Variants in ANO8 observed in about 807,000 individuals in gnomAD.
The protein encoded by ANO8 is anoctamin-8.
A neutral mutation model predicts 120.4 loss-of-function variants in ANO8; 67 were observed. The ratio of observed to expected loss-of-function variants is 0.56; its 90% CI spans 0.46 to 0.68. The LOEUF is 0.68. ANO8 is among the 30% of genes least tolerant of loss of function. ANO8 has a pLI of 0.00. For missense variants in ANO8, 1,526 were observed against 1,737.6 expected (o/e 0.88, Z 2.16); for synonymous variants, 727 against 759.2 (o/e 0.96, Z 0.70).
At chr19:17,328,086 A>G in intron 13 of ANO8, 76 bp downstream of exon 13, 1 of 1,418,714 alleles carries the variant, frequency 7.0e-7, no homozygotes, top group East Asian at 2.5e-5. Context: ...TCCCACCCCC[A>G]CGGCCTTCAC....
rs2074280432 is a variant in ANO8 at position 17,327,472 on chromosome 19, G to A, written c.2516C>T (p.Pro839Leu). ...TACCACCGACACGATGGCTGCCTCC[G>A]GGCTCAGCCAGGGGAAGAGGCGCTG... ...QLQRLFPWLS[P>L]EAAIVSVVVL... Residue 839 changes from proline (P) to leucine (L), a missense_variant, in exon 15 of 18, where the codon CCG becomes CTG. By Grantham distance (98) the Pro-to-Leu change is moderately conservative (BLOSUM62 -3). Coordinates refer to ENST00000159087, the MANE Select transcript of ANO8 (RefSeq NM_020959.3). The A allele has an allele frequency of 6.2e-7, 1 of 1,612,918 alleles. No individual in the cohort carries two copies. Among genetic ancestry groups the A allele is most frequent in the Non-Finnish European group, 8.5e-7 (1 of 1,179,726 alleles).
At chr19:17,327,141 C>A in intron 16 of ANO8, 94 bp downstream of exon 16, 1 of 1,073,778 alleles carries the variant, frequency 9.3e-7, no homozygotes, top group South Asian at 1.6e-5. Context: ...GCAGTCTCTG[C>A]ATTTGCCCTT....
intron 12 of ANO8, chr19:17,329,461 G>T (rs904343549): frequency 3.4e-5 from 16 of 476,104 alleles, no homozygotes; most frequent in Non-Finnish European, 5.7e-5. Flanking sequence ...GGAGCAGGCG[G>T]AACCGCAGGG....
In ANO8 at chr19:17,324,914, G is replaced by A. The variant is rs767774546; in HGVS notation, c.3134C>T (p.Pro1045Leu). Reference protein sequence around the residue: ...TRRDSERSHSPPKAFHAGKLF... With the variant: ...TRRDSERSHSLPKAFHAGKLF... ...CTTGCCAGCATGGAAGGCTTTGGGC[G>A]GTGAGTGGCTGCGCTCAGAGTCCCG... The change falls in exon 17 of 18, where the codon CCG becomes CTG. Residue 1045 changes from proline (P) to leucine (L), a missense_variant. By Grantham distance (98) the Pro-to-Leu change is moderately conservative. Transcript: ENST00000159087. 6.8e-6 allele frequency: 11 copies of A among 1,613,464 alleles called. No individual in the cohort carries two copies. Among genetic ancestry groups the A allele is most frequent in the Middle Eastern group, 1.6e-4 (1 of 6,062 alleles).
Position 17,330,114 on chromosome 19 carries a change from G to T in ANO8, c.1273+11C>A, listed in dbSNP as rs780485185. 5 of 1,614,002 alleles carry T rather than the reference G, an allele frequency of 3.1e-6. No individual in the cohort carries two copies. Among genetic ancestry groups the T allele is most frequent in the Non-Finnish European group, 4.2e-6 (5 of 1,179,998 alleles). On this transcript the variant is annotated intron_variant, in intron 10 of 17. Coordinates refer to ENST00000159087, the MANE Select transcript of ANO8 (RefSeq NM_020959.3). ...AGACCTTCCTCCCAGAGACCCCCTGGCAGGTCGTACCCATGTCATTGAGCC... is the reference window on the plus strand; with the variant it reads ...AGACCTTCCTCCCAGAGACCCCCTGTCAGGTCGTACCCATGTCATTGAGCC...
chr19:17,325,409 A>T (rs770887750), intron 16 of ANO8, 23 bp from the exon 17 acceptor site: 160 of 1,559,398 alleles, frequency 1.0e-4, no homozygotes, highest in Non-Finnish European at 1.4e-4. Flanking sequence ...CCAAGCCGTT[A>T]CAGGACTAAG....
Position 17,328,483 on chromosome 19 carries a change from G to A in ANO8, c.1905C>T (p.Ala635=), listed in dbSNP as rs764596282. 4 of 1,563,910 alleles carry A rather than the reference G, an allele frequency of 2.6e-6. No individual in the cohort carries two copies. The highest frequency in any genetic ancestry group is 2.4e-5 in the East Asian group (1 of 42,480). Residue 635 remains alanine, a synonymous_variant, in exon 13 of 18, where the codon GCC becomes GCT. Coordinates refer to ENST00000159087, the MANE Select transcript of ANO8 (RefSeq NM_020959.3). ...TAGTGGGGCTCCCTTCCTCCAGGAG[G>A]GCCTCCGGGCTTGGGCCGGGCCGAC... ...GRRRPGPSPE[A]LLEEGSPTMV...
In ANO8 at chr19:17,328,121, G is replaced by T. The variant is rs772177029; in HGVS notation, c.2226+41C>A. ...CCCTCGGACGGTGTGTCCCGTCCCC[G>T]GCGAGGCCCCGCCCCCTGCGAGGCC... On this transcript the variant is annotated intron_variant, in intron 13 of 17. Coordinates refer to ENST00000159087, the MANE Select transcript of ANO8 (RefSeq NM_020959.3). 3.4e-4 allele frequency: 485 copies of T among 1,435,148 alleles called. 1 individual carries two copies. The highest frequency in any genetic ancestry group is 9.0e-4 in the African/African-American group (63 of 70,258). The allele number at this position is 1,435,148 out of a possible 1,614,324, so 88.9% of individuals were successfully genotyped here.
chr19:17,324,875 C>G lies in ANO8; in HGVS notation c.3173G>C (p.Gly1058Ala), dbSNP rs1464476102. ...AFHAGKLFPF[G>A]GTRAEPGSNG... Reference sequence around the variant, plus strand: ...GGACCCAGGCTCAGCCCGGGTGCCACCAAAGGGGAAGAGCTTGCCAGCATG... The same window carrying G: ...GGACCCAGGCTCAGCCCGGGTGCCAGCAAAGGGGAAGAGCTTGCCAGCATG... Residue 1058 changes from glycine to alanine, a missense_variant, in exon 17 of 18, where the codon GGT becomes GCT. By Grantham distance (60) the Gly-to-Ala change is moderately conservative (BLOSUM62 0). Transcript: ENST00000159087. 1 of 1,613,178 alleles carries G rather than the reference C, an allele frequency of 6.2e-7. No homozygotes were observed. The highest frequency in any genetic ancestry group is 8.5e-7 in the Non-Finnish European group (1 of 1,179,788).
Position 17,328,381 on chromosome 19 carries a change from G to C in ANO8, c.2007C>G (p.Ser669Arg). 4.5e-6 allele frequency: 7 copies of C among 1,572,230 alleles called. No individual in the cohort carries two copies. Among genetic ancestry groups the C allele is most frequent in the South Asian group, 2.3e-5 (2 of 87,328 alleles). ...AGATGGCCGGGGGCTCCCGTTCAGG[G>C]CTGCCGGGAGCCCCCTCCGCCTCGT... Reference protein sequence around the residue: ...EDDEAEGAPGSPEREPPAILF... With the variant: ...EDDEAEGAPGRPEREPPAILF... The change falls in exon 13 of 18, where the codon AGC becomes AGG. Residue 669 changes from serine (S) to arginine (R), a missense_variant. By Grantham distance (110) the Ser-to-Arg change is moderately radical. Transcript: ENST00000159087.
At chr19:17,331,272 C>T (rs368298657) in intron 6 of ANO8, 23 bp downstream of exon 6, 4 of 1,614,022 alleles carry the variant, frequency 2.5e-6, no homozygotes, top group Non-Finnish European at 3.4e-6. Context: ...GGACTCCCTC[C>T]CACCCCCCAG....
intron 11 of ANO8, 42 bp downstream of exon 11, chr19:17,329,917 C>G (rs2074304165): frequency 6.2e-7 from 1 of 1,613,958 alleles, no homozygotes. Context: ...GACGGCACAG[C>G]TTCCCCGTTG....
Position 17,324,754 on chromosome 19 carries a change from C to G in ANO8, c.3294G>C (p.Glu1098Asp). The change falls in exon 17 of 18, where the codon GAG becomes GAC. Residue 1098 changes from glutamate (E) to aspartate (D), a missense_variant. Coordinates refer to ENST00000159087, the MANE Select transcript of ANO8 (RefSeq NM_020959.3). ...RSGPVDEALA[E>D]ELEAPRPEEE... ...CTTCGGGCCGGGGGGCTTCCAGCTC[C>G]TCAGCCAGGGCCTCGTCCACCGGCC... The G allele has an allele frequency of 6.5e-7, 1 of 1,535,184 alleles. No individual in the cohort carries two copies. The highest frequency in any genetic ancestry group is 2.3e-5 in the East Asian group (1 of 44,200).
chr19:17,332,534 T>C (rs748375823), intron 5 of ANO8, among the ~76,000 whole-genome samples: 12 of 152,170 alleles, frequency 7.9e-5, no homozygotes, highest in Non-Finnish European at 1.5e-4. Flanking sequence ...CACCACTCTG[T>C]AAGTGGAGTG....
In ANO8 at chr19:17,333,275, G is replaced by T; in HGVS notation, c.351-36C>A. On this transcript the variant is annotated intron_variant, in intron 3 of 17. Transcript: ENST00000159087. The surrounding 1 kb of genome is among the most constrained non-coding windows in gnomAD (Gnocchi z 7.2). ...GGCGGAGGAGGTGGGCTCACAGGGA[G>T]GCCCCGGCCCACCATCCTGGAGCTG... 1 of 1,602,794 alleles carries T rather than the reference G, an allele frequency of 6.2e-7. No homozygotes were observed.
chr19:17,329,216 C>A, intron 12 of ANO8: 1 of 466,666 alleles, frequency 2.1e-6, no homozygotes. Flanking sequence ...GCAGGCCCAG[C>A]GCGTCTCCAC....
chr19:17,329,213 C>CA (rs1279682320), intron 12 of ANO8: 2 of 470,806 alleles, frequency 4.2e-6, no homozygotes, highest in Non-Finnish European at 7.5e-6. Flanking sequence ...CGGGCAGGCC[C>CA]AGCGCGTCTC....
chr19:17,333,320 C>G lies in ANO8; in HGVS notation c.351-81G>C, dbSNP rs940499664. ...GAGCTGAGGATGGTGCACCTGGCAG[C>G]CTTTGGGACAAACGCAGGGCGGCTG... On this transcript the variant is annotated intron_variant, in intron 3 of 17. Coordinates refer to ENST00000159087, the MANE Select transcript of ANO8 (RefSeq NM_020959.3). This position sits in a 1 kb window ranked among gnomAD's most constrained non-coding sequence, Gnocchi z 7.2. 4 of 1,602,892 alleles carry G rather than the reference C, an allele frequency of 2.5e-6. No individual in the cohort carries two copies. Among genetic ancestry groups the G allele is most frequent in the Non-Finnish European group, 3.4e-6 (4 of 1,173,192 alleles).
In ANO8 at chr19:17,325,103, A is replaced by T. The variant is rs1413406889; in HGVS notation, c.2945T>A (p.Ile982Asn). The T allele has an allele frequency of 2.5e-6, 4 of 1,613,522 alleles. No individual in the cohort carries two copies. In the Admixed American group the frequency reaches 5.0e-5, roughly 20 times the overall value. The change falls in exon 17 of 18, where the codon ATC becomes AAC. Residue 982 changes from isoleucine (I) to asparagine (N), a missense_variant. By Grantham distance (149) the Ile-to-Asn change is moderately radical (BLOSUM62 -3). Coordinates refer to ENST00000159087, the MANE Select transcript of ANO8 (RefSeq NM_020959.3). ...PNNVMKLKQI[I>N]PLQGKFLSSG... ...CGAGAGGAATTTGCCCTGCAGTGGGATGATCTGCTTCAACTTCATGACGTT... is the reference window on the plus strand; with the variant it reads ...CGAGAGGAATTTGCCCTGCAGTGGGTTGATCTGCTTCAACTTCATGACGTT...
Sources: allele counts gnomAD v4.1 joint callset (sites outside exome capture counted in the v4.1 genomes callset), GRCh38; gene constraint gnomAD v4.1.1; non-coding constraint Gnocchi (gnomAD v3.1); transcripts MANE v1.5; gene names NCBI Gene and HGNC (gene_info 2026-07-23, HGNC 2026-07-21).